Variants in GPATCH2L observed in about 807,000 individuals in gnomAD.
The protein encoded by GPATCH2L is G-patch domain containing 2 like, also known as G patch domain-containing protein 2-like.
In GPATCH2L, 31 loss-of-function variants were observed where a neutral mutation model predicts 57.4. That is an observed-to-expected ratio of 0.54 (90% CI 0.41 to 0.73). GPATCH2L has a LOEUF of 0.73. Ranked by LOEUF, GPATCH2L falls within the 30% of genes least tolerant of loss-of-function variation. GPATCH2L has a pLI of 0.00. For synonymous variants in GPATCH2L, 199 were observed against 210.7 expected (o/e 0.94, Z 0.48); for missense variants, 481 against 599.9 (o/e 0.80, Z 2.07).
downstream of GPATCH2L, among the ~76,000 whole-genome samples, chr14:76,216,870 A>G (rs2040492173): frequency 6.6e-6 from 1 of 152,166 alleles, no homozygotes; most frequent in Non-Finnish European, 1.5e-5. Flanking sequence ...AACAGGCCCA[A>G]TTGCATATGA....
At position 76,204,847 on chromosome 14, in the gene GPATCH2L, T is replaced by C. The variant is rs1214279836; in HGVS notation, c.*2996T>C. The C allele has an allele frequency of 2.6e-5, 4 of 152,252 alleles. No individual in the cohort carries two copies. The highest frequency in any genetic ancestry group is 9.6e-5 in the African/African-American group (4 of 41,470). 9.4% of individuals were successfully genotyped at this position (152,252 alleles called of 1,614,324 possible). A position where few individuals can be genotyped will look rare whatever the true frequency, so the allele number is the denominator to read the frequency against. ...GATGGGCAGAAGTCAGAACATTATCTGCTTCTGTGAGGATCATAATAAAAA... is the reference window on the plus strand; with the variant it reads ...GATGGGCAGAAGTCAGAACATTATCCGCTTCTGTGAGGATCATAATAAAAA... On this transcript the variant is annotated 3_prime_UTR_variant, in exon 10 of 10. Coordinates refer to ENST00000261530, the MANE Select transcript of GPATCH2L (RefSeq NM_017926.4).
intron 8 of GPATCH2L, among the ~76,000 whole-genome samples, chr14:76,188,632 A>G (rs1193669776): frequency 2.0e-5 from 3 of 151,466 alleles, no homozygotes; most frequent in African/African-American, 7.3e-5. Flanking sequence ...TAGTTTGCAG[A>G]TATTTTCTCC....
At chr14:76,153,129 T>C in intron 1 of GPATCH2L, 1 of 208,156 alleles carries the variant, frequency 4.8e-6, no homozygotes, top group Non-Finnish European at 1.0e-5. Context: ...CAGAGGACTG[T>C]TTTCCTGTCT....
chr14:76,159,010 C>A (rs571250379), intron 2 of GPATCH2L, among the ~76,000 whole-genome samples: 1 of 152,064 alleles, frequency 6.6e-6, no homozygotes, highest in Non-Finnish European at 1.5e-5. Flanking sequence ...AATGTTGCTG[C>A]GGTTAAAAAA....
rs1051511692 is a variant in GPATCH2L at position 76,205,815 on chromosome 14, G to A, written c.*3964G>A. ...GCTCCAGGCGAAGGCTCCTGGTGGT[G>A]ATGCATGATTGATTTCAGGTCTTTG... is the stretch of plus-strand genomic sequence containing the variant. On this transcript the variant is annotated 3_prime_UTR_variant, in exon 10 of 10. Coordinates refer to ENST00000261530, the MANE Select transcript of GPATCH2L (RefSeq NM_017926.4). 1 of 152,390 alleles carries A rather than the reference G, an allele frequency of 6.6e-6. No individual in the cohort carries two copies. Among genetic ancestry groups the A allele is most frequent in the Admixed American group, 6.5e-5 (1 of 15,282 alleles). The allele number at this position is 152,390 out of a possible 1,614,324, so 9.4% of individuals were successfully genotyped here.
intron 2 of GPATCH2L, among the ~76,000 whole-genome samples, chr14:76,165,757 A>G (rs2038805677): frequency 6.6e-6 from 1 of 152,156 alleles, no homozygotes; most frequent in African/African-American, 2.4e-5. Flanking sequence ...AATACAAAAT[A>G]TTTTCAGATT....
rs1293748102 is a variant in GPATCH2L at position 76,203,150 on chromosome 14, C to A, written c.*1299C>A. On this transcript the variant is annotated 3_prime_UTR_variant, in exon 10 of 10. Coordinates refer to ENST00000261530, the MANE Select transcript of GPATCH2L (RefSeq NM_017926.4). ...ACCTCCTTCCCCCAAAGTGCGATTGCCCCTGTTTCCCATACGAAGTGTAAT... is the reference window on the plus strand; with the variant it reads ...ACCTCCTTCCCCCAAAGTGCGATTGACCCTGTTTCCCATACGAAGTGTAAT... 3 of 152,154 alleles carry A rather than the reference C, an allele frequency of 2.0e-5. No individual in the cohort carries two copies. Among genetic ancestry groups the A allele is most frequent in the Non-Finnish European group, 4.4e-5 (3 of 68,048 alleles). The allele number at this position is 152,154 out of a possible 1,614,324, so 9.4% of individuals were successfully genotyped here.
At position 76,208,775 on chromosome 14, in the gene GPATCH2L, G is replaced by T. The variant is rs1397207599; in HGVS notation, c.*6924G>T. 2 of 152,230 alleles carry T rather than the reference G, an allele frequency of 1.3e-5. No individual in the cohort carries two copies. The highest frequency in any genetic ancestry group is 3.9e-4 in the East Asian group (2 of 5,192). The allele number at this position is 152,230 out of a possible 1,614,324, so 9.4% of individuals were successfully genotyped here. ...CCTTTCCTCAACCCTTTGAAAGCCT[G>T]AGTACCACTAAGGTATACTGCCCTT... On this transcript the variant is annotated 3_prime_UTR_variant, in exon 10 of 10. Transcript: ENST00000261530.
chr14:76,223,884 T>C (rs2040525737), intron 1 of GPATCH2L, among the ~76,000 whole-genome samples: 1 of 152,272 alleles, frequency 6.6e-6, no homozygotes, highest in Middle Eastern at 3.4e-3. Flanking sequence ...AGATGCCACT[T>C]TACACCCATT....
intron 2 of GPATCH2L, among the ~76,000 whole-genome samples, 178 bp downstream of exon 2, chr14:76,155,203 CCT>C (rs2038248163): frequency 6.6e-6 from 1 of 152,102 alleles, no homozygotes; most frequent in African/African-American, 2.4e-5. Context: ...AGTCTATTTC[CCT>C]CTGTCAGGAA....
intron 1 of GPATCH2L, among the ~76,000 whole-genome samples, chr14:76,224,086 C>T (rs948624796): frequency 6.6e-6 from 1 of 152,134 alleles, no homozygotes; most frequent in African/African-American, 2.4e-5. Flanking sequence ...ATTCATGTGG[C>T]AACATGGATT....
chr14:76,224,124 A>G (rs1192198586), intron 1 of GPATCH2L, among the ~76,000 whole-genome samples: 1 of 152,030 alleles, frequency 6.6e-6, no homozygotes, highest in East Asian at 1.9e-4. Context: ...GCTAATTGAA[A>G]AACACCAGAC....
intron 7 of GPATCH2L, chr14:76,178,374 A>G: frequency 6.4e-6 from 4 of 628,432 alleles, no homozygotes; most frequent in Non-Finnish European, 9.3e-6. Flanking sequence ...AGTGGTCCCC[A>G]ACCTTATGTC....
intron 8 of GPATCH2L, among the ~76,000 whole-genome samples, chr14:76,183,919 A>G (rs1000561102): frequency 6.6e-6 from 1 of 152,148 alleles, no homozygotes; most frequent in Non-Finnish European, 1.5e-5. Flanking sequence ...AACTGTTTCC[A>G]GTGGAAATTG....
chr14:76,160,578 A>G (rs1429356563), intron 2 of GPATCH2L, among the ~76,000 whole-genome samples: 3 of 152,254 alleles, frequency 2.0e-5, no homozygotes, highest in African/African-American at 7.2e-5. Context: ...AAGTCTTAAG[A>G]TTAAAAGCGA....
Position 76,212,542 on chromosome 14 carries a change from C to A in GPATCH2L, c.*10691C>A, listed in dbSNP as rs752474463. On this transcript the variant is annotated 3_prime_UTR_variant, in exon 10 of 10. Coordinates refer to ENST00000261530, the MANE Select transcript of GPATCH2L (RefSeq NM_017926.4). ...TAGGAGACACAGGAAGAAACAAATA[C>A]AATGTTAGTTGGATATTTTAATTCA... 2.6e-5 allele frequency: 4 copies of A among 151,992 alleles called. No homozygotes were observed. Among genetic ancestry groups the A allele is most frequent in the Non-Finnish European group, 4.4e-5 (3 of 67,992 alleles). 9.4% of individuals were successfully genotyped at this position (151,992 alleles called of 1,614,324 possible).
chr14:76,228,748 AG>A (rs2040547418), intron 1 of GPATCH2L, among the ~76,000 whole-genome samples: 1 of 152,132 alleles, frequency 6.6e-6, no homozygotes, highest in African/African-American at 2.4e-5. Flanking sequence ...AGGATGTGAC[AG>A]TGTCTGGTGG....
chr14:76,183,239 C>A (rs1303051414), intron 8 of GPATCH2L, among the ~76,000 whole-genome samples: 1 of 152,220 alleles, frequency 6.6e-6, no homozygotes, highest in African/African-American at 2.4e-5. Flanking sequence ...AACTTGGAAA[C>A]CTGAGGAAGT....
At chr14:76,166,783 T>A in intron 3 of GPATCH2L, 56 bp downstream of exon 3, 1 of 1,185,218 alleles carries the variant, frequency 8.4e-7, no homozygotes, top group South Asian at 1.2e-5. Context: ...AATATTTGAA[T>A]AATCATAGGA....
Sources: gnomAD v4.1 joint callset for allele counts (sites outside exome capture counted in the v4.1 genomes callset) on GRCh38, gnomAD v4.1.1 for gene constraint, MANE v1.5 for transcripts, NCBI Gene and HGNC (gene_info 2026-07-23, HGNC 2026-07-21) for gene names.